Variants in ST6GALNAC5 observed in about 807,000 individuals in gnomAD.
The protein encoded by ST6GALNAC5 is ST6 N-acetylgalactosaminide alpha-2,6-sialyltransferase 5, also known as alpha-N-acetylgalactosaminide alpha-2,6-sialyltransferase 5.
A neutral mutation model predicts 33.6 loss-of-function variants in ST6GALNAC5; 27 were observed. That is an observed-to-expected ratio of 0.80 (90% CI 0.59 to 1.11). The LOEUF is 1.11. Ranked by LOEUF, ST6GALNAC5 falls within the 50% of genes least tolerant of loss-of-function variation. The pLI is 0.00. For missense variants in ST6GALNAC5, 428 were observed against 454.0 expected, an observed-to-expected ratio of 0.94 and a Z score of 0.52; for synonymous variants, 194 against 171.2, an observed-to-expected ratio of 1.13 and a Z score of -1.04.
intron 2 of ST6GALNAC5, among the ~76,000 whole-genome samples, chr1:76,896,650 G>A (rs1445879880): frequency 1.3e-5 from 2 of 152,144 alleles, no homozygotes; most frequent in African/African-American, 2.4e-5. Context: ...GAATAATGTG[G>A]GAGGCCAGAT....
At chr1:76,977,074 T>C (rs1649039621) in intron 2 of ST6GALNAC5, among the ~76,000 whole-genome samples, 1 of 152,194 alleles carries the variant, frequency 6.6e-6, no homozygotes, top group Non-Finnish European at 1.5e-5. Context: ...TATTCTTTTA[T>C]ATGTTTCTAT....
intron 2 of ST6GALNAC5, among the ~76,000 whole-genome samples, chr1:76,914,946 A>G (rs1646953869): frequency 6.6e-6 from 1 of 151,512 alleles, no homozygotes; most frequent in Non-Finnish European, 1.5e-5. Context: ...TACTCATCTG[A>G]CAAAGGGCTA....
At chr1:77,057,230 C>T (rs1424162841) in intron 4 of ST6GALNAC5, among the ~76,000 whole-genome samples, 1 of 152,208 alleles carries the variant, frequency 6.6e-6, no homozygotes, top group Non-Finnish European at 1.5e-5. Context: ...CAGCCTTCTG[C>T]ATAGTCCAGC....
chr1:76,913,660 T>C (rs2100284962), intron 2 of ST6GALNAC5, among the ~76,000 whole-genome samples: 1 of 152,246 alleles, frequency 6.6e-6, no homozygotes, highest in South Asian at 2.1e-4. Flanking sequence ...TCGCTTCATT[T>C]CATTCATTTC....
At chr1:77,019,306 T>G (rs537704951) in intron 2 of ST6GALNAC5, among the ~76,000 whole-genome samples, 1 of 152,230 alleles carries the variant, frequency 6.6e-6, no homozygotes, top group Non-Finnish European at 1.5e-5. Flanking sequence ...TGCAGGGCAG[T>G]GCACTTTGTC....
intron 2 of ST6GALNAC5, among the ~76,000 whole-genome samples, chr1:76,999,497 T>C (rs1326715396): frequency 6.6e-6 from 1 of 151,864 alleles, no homozygotes; most frequent in African/African-American, 2.4e-5. Flanking sequence ...TTTTTTTTTT[T>C]CAATTATTAT....
chr1:76,984,865 A>G (rs1458928516), intron 2 of ST6GALNAC5, among the ~76,000 whole-genome samples: 1 of 152,154 alleles, frequency 6.6e-6, no homozygotes, highest in Non-Finnish European at 1.5e-5. Context: ...TTCAACATAC[A>G]CAAATCAATA....
At chr1:76,999,526 C>T (rs1650062164) in intron 2 of ST6GALNAC5, among the ~76,000 whole-genome samples, 2 of 150,306 alleles carry the variant, frequency 1.3e-5, no homozygotes, top group Admixed American at 6.6e-5. Flanking sequence ...TTTTAGGGTA[C>T]ATGTGCACAT....
chr1:77,028,590 G>T (rs1651336041), intron 2 of ST6GALNAC5, among the ~76,000 whole-genome samples: 1 of 152,176 alleles, frequency 6.6e-6, no homozygotes, highest in African/African-American at 2.4e-5. Flanking sequence ...CAAAGAAAAA[G>T]AAAGTTATTC....
At chr1:76,947,837 A>G (rs1036634047) in intron 2 of ST6GALNAC5, among the ~76,000 whole-genome samples, 1 of 152,084 alleles carries the variant, frequency 6.6e-6, no homozygotes. Context: ...AAATACCTCT[A>G]TCCTATGCTG....
intron 2 of ST6GALNAC5, among the ~76,000 whole-genome samples, chr1:76,936,178 G>A (rs1017349034): frequency 1.3e-5 from 2 of 151,996 alleles, no homozygotes; most frequent in Non-Finnish European, 1.5e-5. Context: ...TTTTGCACAC[G>A]TTTGTTAACT....
chr1:76,905,807 C>T (rs1646858959), intron 2 of ST6GALNAC5, among the ~76,000 whole-genome samples: 1 of 152,072 alleles, frequency 6.6e-6, no homozygotes, highest in Non-Finnish European at 1.5e-5. Context: ...CCAATAAATG[C>T]ACTGGGGTAG....
At chr1:77,047,220 A>G (rs1232383897) in intron 3 of ST6GALNAC5, among the ~76,000 whole-genome samples, 1 of 152,174 alleles carries the variant, frequency 6.6e-6, no homozygotes, top group East Asian at 1.9e-4. Context: ...CCTTCGGGAA[A>G]CAGTCTTAAA....
At chr1:76,895,740 T>A (rs898193084) in intron 2 of ST6GALNAC5, among the ~76,000 whole-genome samples, 8 of 152,152 alleles carry the variant, frequency 5.3e-5, no homozygotes, top group African/African-American at 1.9e-4. Context: ...GTATGAGTAG[T>A]TGAGAACGGT....
intron 2 of ST6GALNAC5, among the ~76,000 whole-genome samples, chr1:76,974,903 A>G (rs1273405816): frequency 1.4e-5 from 2 of 144,054 alleles, no homozygotes; most frequent in Non-Finnish European, 3.0e-5. Context: ...CTCCTGCCTT[A>G]GCCTCCTGAG....
chr1:76,976,621 G>A (rs1404630981), intron 2 of ST6GALNAC5, among the ~76,000 whole-genome samples: 1 of 152,100 alleles, frequency 6.6e-6, no homozygotes, highest in Non-Finnish European at 1.5e-5. Flanking sequence ...AATACTATGG[G>A]TCACATTTGA....
At chr1:76,985,037 G>A (rs567280367) in intron 2 of ST6GALNAC5, among the ~76,000 whole-genome samples, 14 of 152,262 alleles carry the variant, frequency 9.2e-5, no homozygotes, top group African/African-American at 3.4e-4. Context: ...AACTATTTAT[G>A]ACAAACCCAC....
intron 2 of ST6GALNAC5, among the ~76,000 whole-genome samples, chr1:76,881,946 C>T (rs1163839948): frequency 6.6e-6 from 1 of 152,136 alleles, no homozygotes; most frequent in South Asian, 2.1e-4. Flanking sequence ...AGAGCTGGGG[C>T]AAAATGTCAG....
intron 2 of ST6GALNAC5, among the ~76,000 whole-genome samples, chr1:77,010,544 T>A (rs917690802): frequency 1.3e-5 from 2 of 151,902 alleles, no homozygotes; most frequent in Admixed American, 1.3e-4. Context: ...ACTGTTGGGG[T>A]ACACACTTCC....
Sources: gnomAD v4.1 joint callset for allele counts (sites outside exome capture counted in the v4.1 genomes callset) on GRCh38, gnomAD v4.1.1 for gene constraint, MANE v1.5 for transcripts, NCBI Gene and HGNC (gene_info 2026-07-23, HGNC 2026-07-21) for gene names.